The following ATRN variants were observed in gnomAD, a reference collection of about 807,000 sequenced individuals.
ATRN encodes attractin.
Under a neutral mutation model 178.7 loss-of-function variants are expected in ATRN, and 54 were observed. The ratio of observed to expected loss-of-function variants is 0.30; its 90% CI spans 0.24 to 0.38. The LOEUF (loss-of-function observed/expected upper bound fraction) is 0.38, where lower values mean the gene tolerates loss of function less well. Among genes scored for constraint, ATRN ranks in the 10% least tolerant of loss-of-function variants. The pLI is 1.00. For synonymous variants in ATRN, 636 were observed against 663.0 expected, an observed-to-expected ratio of 0.96 and a Z score of 0.63; for missense variants, 1,443 against 1,815.1, an observed-to-expected ratio of 0.79 and a Z score of 3.73.
chr20:3,611,724 G>A (rs984465778), intron 24 of ATRN, among the ~76,000 whole-genome samples: 2 of 152,082 alleles, frequency 1.3e-5, no homozygotes, highest in African/African-American at 2.4e-5. Context: ...CCTGGGCAAC[G>A]GAATGAGACT....
intron 1 of ATRN, among the ~76,000 whole-genome samples, chr20:3,520,485 A>ATGACAACTT (rs1475202519): frequency 6.6e-6 from 1 of 152,186 alleles, no homozygotes; most frequent in Non-Finnish European, 1.5e-5. Context: ...AATGAAATGA[A>ATGACAACTT]TGACAACTTT....
At chr20:3,505,606 G>A (rs926042762) in intron 1 of ATRN, among the ~76,000 whole-genome samples, 1 of 152,186 alleles carries the variant, frequency 6.6e-6, no homozygotes, top group African/African-American at 2.4e-5. Context: ...ACAAAAGACC[G>A]AGGACTTAAG....
chr20:3,556,720 C>T (rs2085881922), intron 6 of ATRN, among the ~76,000 whole-genome samples: 1 of 151,990 alleles, frequency 6.6e-6, no homozygotes, highest in African/African-American at 2.4e-5. Flanking sequence ...CTTTTTTGTA[C>T]GAGATACTTT....
chr20:3,624,093 C>T (rs1421727583), intron 24 of ATRN, among the ~76,000 whole-genome samples: 1 of 152,198 alleles, frequency 6.6e-6, no homozygotes, highest in East Asian at 1.9e-4. Context: ...ACACTGAGTA[C>T]ATAAATGTTG....
At chr20:3,631,238 C>T (rs970033364) in intron 25 of ATRN, among the ~76,000 whole-genome samples, 2 of 152,058 alleles carry the variant, frequency 1.3e-5, no homozygotes, top group African/African-American at 2.4e-5. Flanking sequence ...GCGTGAGCCA[C>T]TGCTCCCAGC....
chr20:3,590,942 A>G (rs971220883), intron 18 of ATRN, among the ~76,000 whole-genome samples: 14 of 152,190 alleles, frequency 9.2e-5, no homozygotes, highest in African/African-American at 2.9e-4. Context: ...AATATTTTTT[A>G]ATATCACTAT....
rs946408104 is a variant in ATRN at position 3,623,226 on chromosome 20, G to A, written c.3802-1285G>A. Among the ~76,000 whole-genome samples, 12 of 152,096 alleles carry A rather than the reference G, an allele frequency of 7.9e-5. No homozygotes were observed. The South Asian group carries it at 8.3e-4, about 11-fold the overall frequency. Reference sequence around the variant, plus strand: ...ATGTGAGGACCATGGCTCATATTCCGCAGCTTTCCTTCTCTCAAGGAGCTA... The same window carrying A: ...ATGTGAGGACCATGGCTCATATTCCACAGCTTTCCTTCTCTCAAGGAGCTA... On this transcript the variant is annotated intron_variant, in intron 24 of 28. Coordinates refer to ENST00000262919, the MANE Select transcript of ATRN (RefSeq NM_139321.3).
At chr20:3,586,862 T>G (rs1389561287) in intron 18 of ATRN, among the ~76,000 whole-genome samples, 1 of 152,216 alleles carries the variant, frequency 6.6e-6, no homozygotes, top group Non-Finnish European at 1.5e-5. Flanking sequence ...CTCACCAACA[T>G]CATATGAAGG....
chr20:3,549,873 C>A (rs2085761835), intron 6 of ATRN, among the ~76,000 whole-genome samples: 1 of 152,112 alleles, frequency 6.6e-6, no homozygotes, highest in Non-Finnish European at 1.5e-5. Context: ...TAGGCATTTT[C>A]TATTAATGAA....
At chr20:3,615,884 G>A in intron 24 of ATRN, 1 of 451,370 alleles carries the variant, frequency 2.2e-6, no homozygotes, top group African/African-American at 2.0e-5. Flanking sequence ...CACACACCAG[G>A]GCCTGTTGTG....
chr20:3,505,566 A>G (rs1022889483), intron 1 of ATRN, among the ~76,000 whole-genome samples: 1 of 152,250 alleles, frequency 6.6e-6, no homozygotes, highest in Non-Finnish European at 1.5e-5. Flanking sequence ...AAAATGTTCA[A>G]GTGACCTATA....
intron 1 of ATRN, among the ~76,000 whole-genome samples, chr20:3,529,586 A>G (rs1411458842): frequency 1.3e-5 from 2 of 152,224 alleles, no homozygotes; most frequent in Admixed American, 6.5e-5. Context: ...CATTAAGTCA[A>G]ATTCTGTAAA....
intron 12 of ATRN, among the ~76,000 whole-genome samples, chr20:3,573,510 A>T (rs2146243824): frequency 6.6e-6 from 1 of 152,226 alleles, no homozygotes; most frequent in African/African-American, 2.4e-5. Context: ...TTTTTGGTGG[A>T]GGGAGGGAGA....
At chr20:3,597,295 A>G (rs572337615) in intron 21 of ATRN, among the ~76,000 whole-genome samples, 10 of 152,276 alleles carry the variant, frequency 6.6e-5, no homozygotes, top group Non-Finnish European at 1.5e-4. Context: ...TATATCCAGA[A>G]TACATGAGGA....
Position 3,543,718 on chromosome 20 carries a change from C to T in ATRN, c.609-2044C>T, listed in dbSNP as rs141190468. 7.2e-3 allele frequency among the ~76,000 whole-genome samples: 1,035 copies of T among 142,814 alleles called. 14 individuals carry two copies. The highest frequency in any genetic ancestry group is 0.026 in the African/African-American group (974 of 37,808). 93.7% of individuals were successfully genotyped at this position (142,814 alleles called of 152,430 possible). Reference sequence around the variant, plus strand: ...CCAGCCTAGGTGACAGAACAAGACTCGGTCTCAAGAAAAAAAAAAAAAATG... The same window carrying T: ...CCAGCCTAGGTGACAGAACAAGACTTGGTCTCAAGAAAAAAAAAAAAAATG... On this transcript the variant is annotated intron_variant, in intron 3 of 28. Transcript: ENST00000262919.
chr20:3,646,968 A>C lies in ATRN; in HGVS notation c.*121A>C. The C allele has an allele frequency of 7.6e-7, 1 of 1,314,032 alleles. No homozygotes were observed. Among genetic ancestry groups the C allele is most frequent in the Non-Finnish European group, 1.0e-6 (1 of 986,782 alleles). 81.4% of individuals were successfully genotyped at this position (1,314,032 alleles called of 1,614,324 possible). ...CGGGACGGAAGACTGGAAACCCTCA[A>C]AGCATCTGACTCACCTGCATGATCA... On this transcript the variant is annotated 3_prime_UTR_variant, in exon 29 of 29. Coordinates refer to ENST00000262919, the MANE Select transcript of ATRN (RefSeq NM_139321.3).
chr20:3,633,840 T>C (rs184931051), intron 25 of ATRN, among the ~76,000 whole-genome samples: 18 of 152,370 alleles, frequency 1.2e-4, no homozygotes, highest in African/African-American at 4.3e-4. Flanking sequence ...TGTAAAAATA[T>C]TGAATATACA....
At chr20:3,595,034 C>T (rs2086506096) in intron 20 of ATRN, among the ~76,000 whole-genome samples, 1 of 152,196 alleles carries the variant, frequency 6.6e-6, no homozygotes, top group Admixed American at 6.5e-5. Flanking sequence ...CTTGTTGAAG[C>T]ATGTCAGGCA....
At position 3,545,815 on chromosome 20, in the gene ATRN, C is replaced by T; in HGVS notation, c.662C>T (p.Ala221Val). The part of the protein sequence containing the change: ...DGNETVPEVV[A>V]TSGYALLHFF... ...AATGAGACTGTCCCTGAGGTTGTTG[C>T]CACATCAGGTTATGCCTTGCTGCAT... is the stretch of plus-strand genomic sequence containing the variant. Residue 221 changes from alanine to valine, a missense_variant, in exon 4 of 29, where the codon GCC becomes GTC. Around this residue, in one of 4 missense-constraint regions of ATRN, gnomAD observed 862 missense variants for 972.1 expected, o/e 0.89. Transcript: ENST00000262919. The T allele has an allele frequency of 1.2e-6, 2 of 1,614,080 alleles. No homozygotes were observed. The highest frequency in any genetic ancestry group is 2.7e-5 in the African/African-American group (2 of 75,034).
Sources: gnomAD v4.1 joint callset for allele counts (sites outside exome capture counted in the v4.1 genomes callset) on GRCh38, gnomAD v4.1.1 for gene constraint, gnomAD v4.1.1 regional missense constraint, MANE v1.5 for transcripts, NCBI Gene and HGNC (gene_info 2026-07-23, HGNC 2026-07-21) for gene names.